Variants in XKR6 observed in about 807,000 individuals in gnomAD.
XKR6 encodes the protein XK related 6, also known as XK-related protein 6.
A neutral mutation model predicts 56.7 loss-of-function variants in XKR6; 22 were observed. The ratio of observed to expected loss-of-function variants is 0.39; its 90% CI spans 0.28 to 0.55. The LOEUF (loss-of-function observed/expected upper bound fraction) is 0.55. XKR6 is among the 20% of genes least tolerant of loss of function. XKR6 has a pLI of 0.66. For missense variants in XKR6, 852 were observed against 889.0 expected (o/e 0.96, Z 0.53); for synonymous variants, 524 against 387.8 (o/e 1.35, Z -4.13).
At chr8:11,051,418 T>C (rs1416287182) in intron 1 of XKR6, among the ~76,000 whole-genome samples, 1 of 152,102 alleles carries the variant, frequency 6.6e-6, no homozygotes. Context: ...TCCCCAGGGG[T>C]GTTTCACAGG....
chr8:10,923,685 T>A (rs577989364), intron 2 of XKR6, among the ~76,000 whole-genome samples: 6 of 152,298 alleles, frequency 3.9e-5, no homozygotes, highest in African/African-American at 1.4e-4. Context: ...AGGAGGTCCG[T>A]GTGGGTGTCC....
At chr8:10,977,906 G>A (rs1033670755) in intron 1 of XKR6, among the ~76,000 whole-genome samples, 1 of 152,020 alleles carries the variant, frequency 6.6e-6, no homozygotes, top group Non-Finnish European at 1.5e-5. Context: ...CCGTTATCTT[G>A]GCAACTGGTG....
chr8:11,032,073 T>G (rs1186080061), intron 1 of XKR6, among the ~76,000 whole-genome samples: 1 of 152,168 alleles, frequency 6.6e-6, no homozygotes, highest in African/African-American at 2.4e-5. Context: ...GGCAACAGGT[T>G]TGCCACAGAG....
At chr8:11,103,597 G>A (rs1175897070) in intron 1 of XKR6, among the ~76,000 whole-genome samples, 4 of 152,162 alleles carry the variant, frequency 2.6e-5, no homozygotes, top group Non-Finnish European at 5.9e-5. Context: ...GCTGTAAAGG[G>A]TCACTGAGAA....
intron 1 of XKR6, among the ~76,000 whole-genome samples, chr8:11,033,786 G>A (rs1470007765): frequency 2.0e-5 from 3 of 152,090 alleles, no homozygotes; most frequent in East Asian, 3.9e-4. Context: ...AGGTCCACTC[G>A]TATCTTCAGA....
intron 1 of XKR6, among the ~76,000 whole-genome samples, chr8:10,965,631 T>G (rs1802197857): frequency 6.6e-6 from 1 of 152,220 alleles, no homozygotes; most frequent in African/African-American, 2.4e-5. Context: ...AACAGCTCGC[T>G]TGAGACTTGG....
intron 1 of XKR6, among the ~76,000 whole-genome samples, chr8:10,990,855 T>TTAC (rs1201878151): frequency 1.3e-5 from 2 of 150,916 alleles, no homozygotes; most frequent in Non-Finnish European, 2.9e-5. Flanking sequence ...AGTGGTAGGA[T>TTAC]TACAGGTGTT....
intron 1 of XKR6, among the ~76,000 whole-genome samples, chr8:11,051,615 C>T (rs1799550188): frequency 6.6e-6 from 1 of 152,202 alleles, no homozygotes; most frequent in African/African-American, 2.4e-5. Context: ...CTTACCCCAC[C>T]TGCAGAACGT....
At chr8:11,124,347 C>T (rs990076074) in intron 1 of XKR6, 8 of 291,360 alleles carry the variant, frequency 2.7e-5, no homozygotes, top group Non-Finnish European at 5.4e-5. Flanking sequence ...ACCCACTCAG[C>T]GGTGGGGCCA....
At chr8:10,930,304 G>A (rs952394981) in intron 1 of XKR6, among the ~76,000 whole-genome samples, 5 of 152,210 alleles carry the variant, frequency 3.3e-5, no homozygotes, top group East Asian at 1.9e-4. Flanking sequence ...ACAGGGGTAA[G>A]CTCATGTTTT....
In XKR6 at chr8:10,997,438, C is replaced by A. The variant is rs141449861; in HGVS notation, c.765-72608G>T. Among the ~76,000 whole-genome samples, 230 of 152,270 alleles carry A rather than the reference C, an allele frequency of 1.5e-3. 1 individual carries two copies. Among genetic ancestry groups the A allele is most frequent in the African/African-American group, 4.8e-3 (199 of 41,548 alleles). On this transcript the variant is annotated intron_variant, in intron 1 of 2. Transcript: ENST00000416569. The stretch of plus-strand genomic sequence containing the variant: ...GCAGCCAGGATGTAAACCCAGAGAG[C>A]AGGGGTGGCGGTCTGAGCTCAGCCC...
chr8:10,973,194 C>T (rs74528454), intron 1 of XKR6, among the ~76,000 whole-genome samples: 10,395 of 152,236 alleles, frequency 0.068, 474 homozygotes, highest in Middle Eastern at 0.12. Context: ...GAGCTTGGCC[C>T]ATGTTATGAG....
At chr8:11,104,398 G>C (rs889577670) in intron 1 of XKR6, among the ~76,000 whole-genome samples, 1 of 152,194 alleles carries the variant, frequency 6.6e-6, no homozygotes, top group African/African-American at 2.4e-5. Flanking sequence ...TATATATACA[G>C]CCCTTGGCAC....
intron 1 of XKR6, among the ~76,000 whole-genome samples, chr8:11,185,333 G>T: frequency 6.6e-6 from 1 of 152,090 alleles, no homozygotes; most frequent in Non-Finnish European, 1.5e-5. Flanking sequence ...TTAAAAGTTT[G>T]GTGGTGTTTT....
chr8:11,017,355 C>G (rs1341329385), intron 1 of XKR6, among the ~76,000 whole-genome samples: 1 of 152,246 alleles, frequency 6.6e-6, no homozygotes, highest in Non-Finnish European at 1.5e-5. Context: ...AGACACGAAG[C>G]TGCAGGTTTT....
chr8:11,048,105 AC>A (rs1420727142), intron 1 of XKR6, among the ~76,000 whole-genome samples: 1 of 151,788 alleles, frequency 6.6e-6, no homozygotes, highest in African/African-American at 2.4e-5. Flanking sequence ...TCGATCACAC[AC>A]CCCCCACGCT....
chr8:11,167,722 T>C (rs10094620), intron 1 of XKR6, among the ~76,000 whole-genome samples: 2 of 152,026 alleles, frequency 1.3e-5, no homozygotes, highest in African/African-American at 2.4e-5. Flanking sequence ...TGGCTCACTA[T>C]TGAAGGAGGG....
chr8:11,086,917 G>A (rs548721637), intron 1 of XKR6, among the ~76,000 whole-genome samples: 38 of 152,310 alleles, frequency 2.5e-4, no homozygotes, highest in African/African-American at 7.7e-4. Context: ...GTCCTGTCCC[G>A]CAGGGATCAG....
At chr8:10,933,178 G>C (rs1801112480) in intron 1 of XKR6, among the ~76,000 whole-genome samples, 1 of 128,116 alleles carries the variant, frequency 7.8e-6, no homozygotes, top group Non-Finnish European at 1.7e-5. Flanking sequence ...TGTGTTTTTT[G>C]GCTGCATAAA....
Sources: gnomAD v4.1 joint callset for allele counts (sites outside exome capture counted in the v4.1 genomes callset) on GRCh38, gnomAD v4.1.1 for gene constraint, MANE v1.5 for transcripts, NCBI Gene and HGNC (gene_info 2026-07-23, HGNC 2026-07-21) for gene names.